The following FAM151A variants were observed in gnomAD, a reference collection of about 807,000 sequenced individuals.
FAM151A encodes protein FAM151A.
FAM151A carries 41 observed loss-of-function variants against 40.4 expected under a neutral mutation model. The observed-to-expected ratio is 1.01, with a 90% CI of 0.79 to 1.32. FAM151A has a LOEUF of 1.32. Among genes scored for constraint, FAM151A ranks in the 40% most tolerant of loss-of-function variants. The pLI is 0.00. For synonymous variants in FAM151A, 337 were observed against 312.5 expected, an observed-to-expected ratio of 1.08 and a Z score of -0.83; for missense variants, 740 against 740.4, an observed-to-expected ratio of 1.00 and a Z score of 0.01.
chr1:54,609,675 T>C lies in FAM151A; in HGVS notation c.1351A>G (p.Ser451Gly). Residue 451 changes from serine to glycine, a missense_variant, in exon 8 of 8, where the codon AGT becomes GGT. By Grantham distance (56) the Ser-to-Gly change is moderately conservative. Coordinates refer to ENST00000302250, the MANE Select transcript of FAM151A (RefSeq NM_176782.3). Reference protein sequence around the residue: ...VWVGAKISHGSFSVPGHVAGR... With the variant: ...VWVGAKISHGGFSVPGHVAGR... ...GCCACATGGCCGGGGACCGAAAAAC[T>C]CCCGTGGGAGATTTTGGCCCCAACC... is the stretch of plus-strand genomic sequence containing the variant. The C allele has an allele frequency of 6.2e-7, 1 of 1,613,876 alleles. No homozygotes were observed. Among genetic ancestry groups the C allele is most frequent in the Non-Finnish European group, 8.5e-7 (1 of 1,180,000 alleles).
chr1:54,623,407 C>T lies in FAM151A; in HGVS notation c.-12G>A, dbSNP rs776108581. On this transcript the variant is annotated 5_prime_UTR_variant, in exon 1 of 8. Coordinates refer to ENST00000302250, the MANE Select transcript of FAM151A (RefSeq NM_176782.3). ...TCCCTGCAGACCATGGCGACGCTCT[C>T]TGGGGAATGCCCCCAACTCCGTGCG... 34 of 1,604,346 alleles carry T rather than the reference C, an allele frequency of 2.1e-5. No individual in the cohort carries two copies. The South Asian group carries it at 3.3e-4, about 16-fold the overall frequency.
chr1:54,610,560 G>C lies in FAM151A; in HGVS notation c.941-5C>G. 4 of 1,609,348 alleles carry C rather than the reference G, an allele frequency of 2.5e-6. No homozygotes were observed. The highest frequency in any genetic ancestry group is 3.4e-6 in the Non-Finnish European group (4 of 1,177,070). On this transcript the variant is annotated splice_region_variant and splice_polypyrimidine_tract_variant and intron_variant, in intron 6 of 7. Transcript: ENST00000302250. ...TTGGTTTCCGTGTGGCATTCACTGT[G>C]GGGCCCCAAATCGCCAAGGTGAAGT...
chr1:54,615,331 GAT>G (rs1304861898), intron 3 of FAM151A, among the ~76,000 whole-genome samples: 1 of 152,174 alleles, frequency 6.6e-6, no homozygotes, highest in African/African-American at 2.4e-5. Flanking sequence ...AGGCTAGGAA[GAT>G]ATAGAGGGAT....
intron 5 of FAM151A, 152 bp from the exon 6 acceptor site, chr1:54,611,897 T>G: frequency 1.2e-6 from 1 of 818,962 alleles, no homozygotes; most frequent in Non-Finnish European, 1.9e-6. Context: ...TCCTACCCCT[T>G]CCCAAGGGCA....
At chr1:54,613,711 A>T (rs915635109) in intron 4 of FAM151A, among the ~76,000 whole-genome samples, 2 of 152,216 alleles carry the variant, frequency 1.3e-5, no homozygotes, top group Non-Finnish European at 2.9e-5. Flanking sequence ...CACCCAAAAA[A>T]ACCCTACTGA....
At chr1:54,620,312 C>T (rs1299353206) in intron 1 of FAM151A, among the ~76,000 whole-genome samples, 1 of 152,218 alleles carries the variant, frequency 6.6e-6, no homozygotes, top group Non-Finnish European at 1.5e-5. Context: ...ATAGGTTATT[C>T]CAGACAGAGA....
intron 6 of FAM151A, among the ~76,000 whole-genome samples, 173 bp downstream of exon 6, chr1:54,611,429 ATGTT>A (rs1644116995): frequency 6.6e-6 from 1 of 152,030 alleles, no homozygotes; most frequent in South Asian, 2.1e-4. Flanking sequence ...AATAAAATGG[ATGTT>A]TGAAGCTTAG....
At chr1:54,611,121 A>G (rs1437986097) in intron 6 of FAM151A, 1 of 722,040 alleles carries the variant, frequency 1.4e-6, no homozygotes, top group African/African-American at 1.9e-5. Flanking sequence ...ATAAAATGGA[A>G]TCCCTCAGTT....
chr1:54,612,340 A>G (rs2101015656), intron 5 of FAM151A, 146 bp downstream of exon 5: 1 of 617,014 alleles, frequency 1.6e-6, no homozygotes, highest in Non-Finnish European at 2.9e-6. Context: ...GTATGCAAGC[A>G]GAAAGCAGGG....
At chr1:54,615,914 C>A in intron 3 of FAM151A, 106 bp downstream of exon 3, 1 of 1,174,802 alleles carries the variant, frequency 8.5e-7, no homozygotes, top group Non-Finnish European at 1.2e-6. Flanking sequence ...AGGCAATGAG[C>A]ACCTCGTGTC....
At chr1:54,617,116 T>C (rs1382163828) in intron 2 of FAM151A, among the ~76,000 whole-genome samples, 2 of 152,256 alleles carry the variant, frequency 1.3e-5, no homozygotes, top group Admixed American at 6.5e-5. Context: ...GACACTGAGT[T>C]ATCTTTTAGC....
intron 6 of FAM151A, chr1:54,610,955 G>C: frequency 1.0e-6 from 1 of 985,446 alleles, no homozygotes; most frequent in Non-Finnish European, 1.2e-6. Context: ...AATGAATACA[G>C]TGGAGGCCTC....
chr1:54,616,287 A>G (rs1347044450), intron 2 of FAM151A, 115 bp from the exon 3 acceptor site: 3 of 911,006 alleles, frequency 3.3e-6, no homozygotes, highest in African/African-American at 3.3e-5. Context: ...AAAGTGGAAG[A>G]GGAAAATATT....
Position 54,609,507 on chromosome 1 carries a change from G to A in FAM151A, c.1519C>T (p.Pro507Ser), listed in dbSNP as rs760347088. The change falls in exon 8 of 8, where the codon CCT (proline) becomes TCT (serine). Residue 507 changes from proline (P) to serine (S), a missense_variant. Physicochemically the swap from Pro to Ser is moderately conservative, Grantham distance 74. Transcript: ENST00000302250. The stretch of plus-strand genomic sequence containing the variant: ...ATGGCCTGCATCTGGAAGGACACAG[G>A]TTGCCAGAGCCCCTGGCACAACTCT... ...MLELCQGLWQ[P>S]VSFQMQAMLL... 1 of 1,613,120 alleles carries A rather than the reference G, an allele frequency of 6.2e-7. No homozygotes were observed. Among genetic ancestry groups the A allele is most frequent in the Non-Finnish European group, 8.5e-7 (1 of 1,180,038 alleles).
chr1:54,617,835 T>C (rs573016844), intron 2 of FAM151A, among the ~76,000 whole-genome samples: 80 of 148,730 alleles, frequency 5.4e-4, no homozygotes, highest in African/African-American at 1.8e-3. Context: ...GTGATTCTCC[T>C]GCCTCAGCCT....
At chr1:54,612,392 TGAC>T in intron 5 of FAM151A, 91 bp downstream of exon 5, 1 of 874,708 alleles carries the variant, frequency 1.1e-6, no homozygotes, top group Middle Eastern at 2.5e-4. Context: ...TTGGACGAAA[TGAC>T]CTTTAAGACC....
intron 5 of FAM151A, among the ~76,000 whole-genome samples, chr1:54,612,033 T>G (rs1644123802): frequency 3.3e-5 from 3 of 90,926 alleles, no homozygotes; most frequent in South Asian, 3.7e-4. Context: ...GCAGGACAGA[T>G]GGGGGAGGGT....
intron 7 of FAM151A, chr1:54,610,151 T>C: frequency 7.0e-7 from 1 of 1,432,830 alleles, no homozygotes; most frequent in Admixed American, 2.9e-5. Flanking sequence ...TCTTGGCCTT[T>C]ACCCATGACT....
At position 54,609,550 on chromosome 1, in the gene FAM151A, C is replaced by T; in HGVS notation, c.1476G>A (p.Gln492=). 1 of 1,612,754 alleles carries T rather than the reference C, an allele frequency of 6.2e-7. No individual in the cohort carries two copies. Among genetic ancestry groups the T allele is most frequent in the Non-Finnish European group, 8.5e-7 (1 of 1,180,040 alleles). ...ACAACTCTAGCATATCTGTGAGCAGCTGTTCCCTGTAGCCACTGCCCAGCA... is the reference window on the plus strand; with the variant it reads ...ACAACTCTAGCATATCTGTGAGCAGTTGTTCCCTGTAGCCACTGCCCAGCA... ...EEVLGSGYRE[Q]LLTDMLELCQ... is the part of the protein sequence containing the mutation. The change falls in exon 8 of 8, where the codon CAG becomes CAA. Residue 492 remains glutamine (Q), a synonymous_variant. Transcript: ENST00000302250.
Sources: gnomAD v4.1 joint callset for allele counts (sites outside exome capture counted in the v4.1 genomes callset) on GRCh38, gnomAD v4.1.1 for gene constraint, MANE v1.5 for transcripts, NCBI Gene and HGNC (gene_info 2026-07-23, HGNC 2026-07-21) for gene names.